Variants in RNF169 observed in about 807,000 individuals in gnomAD.
RNF169 encodes E3 ubiquitin-protein ligase RNF169.
RNF169 carries 24 observed loss-of-function variants against 53.9 expected under a neutral mutation model. The ratio of observed to expected loss-of-function variants is 0.45; its 90% CI spans 0.32 to 0.63. The LOEUF (loss-of-function observed/expected upper bound fraction) is 0.63. RNF169 is among the 20% of genes least tolerant of loss of function. The probability of loss-of-function intolerance (pLI) is 0.04; values close to 1 mark genes in which losing one functional copy is unlikely to be tolerated. For synonymous variants in RNF169, 396 were observed against 363.5 expected (o/e 1.09, Z -1.02); for missense variants, 883 against 906.2 (o/e 0.97, Z 0.33).
At chr11:74,785,677 A>G (rs566494931) in intron 1 of RNF169, among the ~76,000 whole-genome samples, 2 of 152,126 alleles carry the variant, frequency 1.3e-5, no homozygotes, top group Non-Finnish European at 2.9e-5. Flanking sequence ...TCCTTAAAGC[A>G]TTAAACATTG....
intron 1 of RNF169, among the ~76,000 whole-genome samples, chr11:74,773,824 G>T (rs905869649): frequency 6.6e-6 from 1 of 152,150 alleles, no homozygotes; most frequent in African/African-American, 2.4e-5. Context: ...TTTTTAGTAT[G>T]AGGATAATAG....
intron 1 of RNF169, among the ~76,000 whole-genome samples, chr11:74,786,264 A>G (rs1043545599): frequency 6.9e-6 from 1 of 145,462 alleles, no homozygotes; most frequent in Non-Finnish European, 1.5e-5. Context: ...TTTTTTTTTA[A>G]GAGTTGAAGT....
rs368821586 is a variant in RNF169, at chr11:74,836,468, G to A, written c.1865G>A (p.Arg622Gln). 31 of 1,614,056 alleles carry A rather than the reference G, an allele frequency of 1.9e-5. No individual in the cohort carries two copies. The highest frequency in any genetic ancestry group is 9.9e-5 in the South Asian group (9 of 91,082). ...EEPLPSLRRG[R>Q]KRHCKTKHLE... Reference sequence around the variant, plus strand: ...CCACTTCCTTCTTTGCGTCGAGGCCGGAAAAGACACTGCAAGACCAAGCAC... The same window carrying A: ...CCACTTCCTTCTTTGCGTCGAGGCCAGAAAAGACACTGCAAGACCAAGCAC... The change falls in exon 6 of 6, where the codon CGG (arginine) becomes CAG (glutamine). Residue 622 changes from arginine to glutamine, a missense_variant. Arg to Gln is a conservative substitution (Grantham distance 43, BLOSUM62 1). Coordinates refer to ENST00000299563, the MANE Select transcript of RNF169 (RefSeq NM_001098638.2).
At chr11:74,809,352 A>G (rs916566988) in intron 2 of RNF169, among the ~76,000 whole-genome samples, 4 of 152,202 alleles carry the variant, frequency 2.6e-5, no homozygotes, top group African/African-American at 4.8e-5. Flanking sequence ...AATAAATACT[A>G]TTATATTGTT....
intron 1 of RNF169, among the ~76,000 whole-genome samples, chr11:74,780,278 T>G (rs754580418): frequency 6.6e-6 from 1 of 152,220 alleles, no homozygotes; most frequent in East Asian, 1.9e-4. Context: ...CTCTCTACTT[T>G]TGTTTTCTTC....
intron 3 of RNF169, among the ~76,000 whole-genome samples, chr11:74,811,300 G>A (rs1457824428): frequency 1.3e-5 from 2 of 152,038 alleles, no homozygotes; most frequent in African/African-American, 4.8e-5. Context: ...GGAGTGCAGG[G>A]GTGTGATCAT....
chr11:74,781,301 A>G (rs1163675861), intron 1 of RNF169, among the ~76,000 whole-genome samples: 1 of 152,234 alleles, frequency 6.6e-6, no homozygotes, highest in Non-Finnish European at 1.5e-5. Flanking sequence ...CTATCAGAGA[A>G]GATGGTGGAT....
At chr11:74,822,875 A>G (rs914959844) in intron 4 of RNF169, among the ~76,000 whole-genome samples, 10 of 152,186 alleles carry the variant, frequency 6.6e-5, no homozygotes, top group African/African-American at 2.4e-4. Context: ...AATTTCTTTA[A>G]TATATCCACT....
At chr11:74,772,472 G>GTT (rs35350939) in intron 1 of RNF169, among the ~76,000 whole-genome samples, 1 of 128,174 alleles carries the variant, frequency 7.8e-6, no homozygotes, top group Non-Finnish European at 1.7e-5. Context: ...AGGGATGCTG[G>GTT]TTTTTTTTTT....
chr11:74,762,208 A>C (rs2135313562), intron 1 of RNF169, among the ~76,000 whole-genome samples: 1 of 149,710 alleles, frequency 6.7e-6, no homozygotes, highest in Admixed American at 6.7e-5. Context: ...CATTCTTCTA[A>C]ATTTTTTTCA....
intron 4 of RNF169, among the ~76,000 whole-genome samples, chr11:74,827,654 C>T (rs561081372): frequency 4.6e-5 from 7 of 152,056 alleles, no homozygotes; most frequent in East Asian, 1.9e-4. Flanking sequence ...TGATGTCACC[C>T]GAGATGCAAG....
intron 1 of RNF169, among the ~76,000 whole-genome samples, chr11:74,767,535 C>A (rs1045374749): frequency 6.6e-6 from 1 of 151,764 alleles, no homozygotes; most frequent in Non-Finnish European, 1.5e-5. Context: ...ACTACAGGCA[C>A]GGGCCACCAC....
intron 1 of RNF169, among the ~76,000 whole-genome samples, chr11:74,763,554 T>TA (rs2035123687): frequency 1.3e-5 from 2 of 152,170 alleles, no homozygotes; most frequent in Admixed American, 1.3e-4. Flanking sequence ...TCATTGAGGT[T>TA]AAAAATCTCA....
rs939441525 is a variant in RNF169, at chr11:74,773,541, G to T, written c.503-16085G>T. Among the ~76,000 whole-genome samples the T allele has an allele frequency of 2.0e-5, 3 of 152,178 alleles. No homozygotes were observed. The South Asian group carries it at 6.2e-4, about 31-fold the overall frequency. The stretch of plus-strand genomic sequence containing the variant: ...CCAGGCCAGTTTTCTTTTTGAGCTT[G>T]CCTGGATGTTTCACCTACTGAATCC... On this transcript the variant is annotated intron_variant, in intron 1 of 5. Transcript: ENST00000299563.
Position 74,839,386 on chromosome 11 carries a change from C to G in RNF169, c.*2656C>G, listed in dbSNP as rs2036308972. On this transcript the variant is annotated 3_prime_UTR_variant, in exon 6 of 6. Transcript: ENST00000299563. ...AACTAAAACCTGAATGCTTTTCTTT[C>G]TGAAAAATCTCCCTCTCTCCTTCCA... The G allele has an allele frequency of 6.6e-6, 1 of 152,168 alleles. No homozygotes were observed. The highest frequency in any genetic ancestry group is 1.5e-5 in the Non-Finnish European group (1 of 68,018). The allele number at this position is 152,168 out of a possible 1,614,324, so 9.4% of individuals were successfully genotyped here.
intron 4 of RNF169, among the ~76,000 whole-genome samples, chr11:74,829,271 G>A (rs541772660): frequency 6.6e-6 from 1 of 152,176 alleles, no homozygotes; most frequent in African/African-American, 2.4e-5. Context: ...TTAGAGAAAT[G>A]CAAATCAAAA....
chr11:74,810,119 G>C, intron 2 of RNF169, 65 bp from the exon 3 acceptor site: 1 of 1,416,774 alleles, frequency 7.1e-7, no homozygotes, highest in Admixed American at 2.1e-5. Flanking sequence ...AAACTACAGA[G>C]TAAAATATGT....
intron 2 of RNF169, among the ~76,000 whole-genome samples, chr11:74,797,287 T>C (rs1407852192): frequency 6.6e-6 from 1 of 152,224 alleles, no homozygotes; most frequent in Non-Finnish European, 1.5e-5. Context: ...AAAATATTAA[T>C]ATAAAGTACT....
chr11:74,751,016 A>G (rs905440994), intron 1 of RNF169, among the ~76,000 whole-genome samples: 1 of 151,552 alleles, frequency 6.6e-6, no homozygotes, highest in Non-Finnish European at 1.5e-5. Context: ...GACCACAGGC[A>G]CGCGCCACCA....
Sources: gnomAD v4.1 joint callset for allele counts (sites outside exome capture counted in the v4.1 genomes callset) on GRCh38, gnomAD v4.1.1 for gene constraint, MANE v1.5 for transcripts, NCBI Gene and HGNC (gene_info 2026-07-23, HGNC 2026-07-21) for gene names.